RBBP8: variants seen among roughly 807,000 people sequenced by gnomAD.
The protein encoded by RBBP8 is RB binding protein 8, endonuclease.
RBBP8 carries 88 observed loss-of-function variants against 108.3 expected under a neutral mutation model. The ratio of observed to expected loss-of-function variants is 0.81; its 90% CI spans 0.68 to 0.97. The LOEUF is 0.97. Ranked by LOEUF, RBBP8 falls within the 50% of genes least tolerant of loss-of-function variation. The probability of loss-of-function intolerance (pLI) is 0.00; values close to 1 mark genes in which losing one functional copy is unlikely to be tolerated. For missense variants in RBBP8, 1,023 were observed against 1,049.0 expected, an observed-to-expected ratio of 0.98 and a Z score of 0.34; for synonymous variants, 332 against 348.2, an observed-to-expected ratio of 0.95 and a Z score of 0.52.
intron 6 of RBBP8, 76 bp from the exon 7 acceptor site, chr18:22,982,142 C>T: frequency 6.8e-7 from 1 of 1,477,858 alleles, no homozygotes; most frequent in South Asian, 1.2e-5. Context: ...TTGTGTTCTA[C>T]TGTAACTCCA....
intron 15 of RBBP8, among the ~76,000 whole-genome samples, chr18:23,002,016 T>C (rs2144746474): frequency 6.6e-6 from 1 of 152,350 alleles, no homozygotes; most frequent in South Asian, 2.1e-4. Flanking sequence ...TAGTTTGGTA[T>C]TACAAATTTC....
chr18:22,934,396 A>G (rs1241327665), intron 1 of RBBP8: 6 of 152,208 alleles, frequency 3.9e-5, no homozygotes, highest in African/African-American at 1.2e-4. Flanking sequence ...CACTCTTTAA[A>G]CGAATATGTT....
intron 7 of RBBP8, among the ~76,000 whole-genome samples, chr18:22,983,161 C>A (rs779848285): frequency 6.6e-6 from 1 of 152,114 alleles, no homozygotes; most frequent in African/African-American, 2.4e-5. Context: ...TTGTTATGTG[C>A]CATGATACAA....
At chr18:23,001,821 T>G (rs1180569962) in intron 15 of RBBP8, 92 bp downstream of exon 15, 1 of 1,462,614 alleles carries the variant, frequency 6.8e-7, no homozygotes, top group African/African-American at 1.4e-5. Flanking sequence ...TGATGACATA[T>G]CAACAATTGA....
chr18:22,979,211 G>A (rs549668909), intron 6 of RBBP8, among the ~76,000 whole-genome samples: 9 of 152,286 alleles, frequency 5.9e-5, no homozygotes, highest in South Asian at 2.1e-4. Context: ...GTTGCAGTGC[G>A]CTGAGATCGC....
chr18:22,999,312 C>T (rs908110348), intron 14 of RBBP8, among the ~76,000 whole-genome samples: 1 of 152,126 alleles, frequency 6.6e-6, no homozygotes, highest in Non-Finnish European at 1.5e-5. Flanking sequence ...GGGTCTCATG[C>T]AGTTGTAGGC....
upstream of RBBP8, chr18:22,929,523 G>GT (rs1909934821): frequency 4.2e-5 from 5 of 118,588 alleles, no homozygotes; most frequent in Non-Finnish European, 8.6e-5. Context: ...GAGACAGGCG[G>GT]GTGTGTGTGT....
chr18:22,946,971 T>C (rs1246556932), intron 3 of RBBP8, among the ~76,000 whole-genome samples: 1 of 152,120 alleles, frequency 6.6e-6, no homozygotes, highest in Non-Finnish European at 1.5e-5. Flanking sequence ...ATTCTCTGAA[T>C]TGTTTTGCTT....
intron 3 of RBBP8, among the ~76,000 whole-genome samples, chr18:22,924,127 GTTT>G (rs33978854): frequency 2.8e-5 from 3 of 108,238 alleles, no homozygotes; most frequent in Non-Finnish European, 3.5e-5. Context: ...TTTGTTTTTG[GTTT>G]TTTTTTTTTT....
intron 6 of RBBP8, among the ~76,000 whole-genome samples, chr18:22,980,965 C>CTTTT (rs1167377654): frequency 0.046 from 3,160 of 69,184 alleles, 817 homozygotes; most frequent in African/African-American, 0.11. Flanking sequence ...CCACTTATGT[C>CTTTT]TTTTTTTTTT....
chr18:22,925,691 CT>C (rs914969348), intron 3 of RBBP8, among the ~76,000 whole-genome samples: 22 of 152,136 alleles, frequency 1.4e-4, no homozygotes, highest in Non-Finnish European at 2.8e-4. Flanking sequence ...TTGTGTGAAC[CT>C]ATCAAAGAAT....
intron 17 of RBBP8, among the ~76,000 whole-genome samples, chr18:23,021,164 C>G (rs942568912): frequency 2.0e-5 from 3 of 152,176 alleles, no homozygotes; most frequent in Non-Finnish European, 4.4e-5. Context: ...AATCCCAGCA[C>G]TTTGGGAGTC....
At chr18:23,010,143 AC>A (rs576852215) in intron 16 of RBBP8, among the ~76,000 whole-genome samples, 92 of 152,300 alleles carry the variant, frequency 6.0e-4, no homozygotes, top group African/African-American at 2.2e-3. Flanking sequence ...GCTCCATAGT[AC>A]TTCATTATGT....
intron 4 of RBBP8, among the ~76,000 whole-genome samples, chr18:22,964,429 T>G (rs1044606128): frequency 6.6e-6 from 1 of 151,268 alleles, no homozygotes; most frequent in Non-Finnish European, 1.5e-5. Flanking sequence ...TTCTTGATTT[T>G]CTTCACTATT....
chr18:22,972,458 G>A (rs1914180160), intron 5 of RBBP8, among the ~76,000 whole-genome samples: 1 of 147,484 alleles, frequency 6.8e-6, no homozygotes, highest in African/African-American at 2.5e-5. Context: ...CTGTCTCCTA[G>A]GCTGGAGTGC....
chr18:22,921,509 C>T (rs1909593700), intron 3 of RBBP8, among the ~76,000 whole-genome samples: 1 of 152,228 alleles, frequency 6.6e-6, no homozygotes, highest in Non-Finnish European at 1.5e-5. Flanking sequence ...CTGGTTGCCA[C>T]TGAAATACCT....
intron 3 of RBBP8, among the ~76,000 whole-genome samples, chr18:22,919,167 A>G (rs1389023387): frequency 6.6e-6 from 1 of 152,206 alleles, no homozygotes; most frequent in Non-Finnish European, 1.5e-5. Context: ...AAAGATCACA[A>G]AGGAGGAGCT....
At position 22,949,673 on chromosome 18, in the gene RBBP8, C is replaced by T. The variant is rs1359541831; in HGVS notation, c.208C>T (p.Gln70Ter). Residue 70 changes from glutamine (Q) to a stop codon, truncating the protein, a stop_gained, in exon 4 of 19, where the codon CAG (glutamine) becomes TAG (stop). Coordinates refer to ENST00000327155, the MANE Select transcript of RBBP8 (RefSeq NM_002894.3). LOFTEE classifies it high-confidence loss of function. ...CAAAAATCAACAGCTGAGGGAACAGCAGAAAGTCCTTCATGAAACCATTAA... is the reference window on the plus strand; with the variant it reads ...CAAAAATCAACAGCTGAGGGAACAGTAGAAAGTCCTTCATGAAACCATTAA... Reference protein sequence around the residue: ...FTKNQQLREQQKVLHETIKVL... With the variant: ...FTKNQQLREQ The T allele has an allele frequency of 6.2e-7, 1 of 1,613,340 alleles. No individual in the cohort carries two copies. The highest frequency in any genetic ancestry group is 2.2e-5 in the East Asian group (1 of 44,814).
At chr18:22,991,217 T>G (rs774212797) in intron 10 of RBBP8, among the ~76,000 whole-genome samples, 168 bp downstream of exon 10, 9 of 152,220 alleles carry the variant, frequency 5.9e-5, no homozygotes, top group Non-Finnish European at 1.2e-4. Context: ...AATTGAGAGC[T>G]TTTTTGCATT....
Sources: gnomAD v4.1 joint callset for allele counts (sites outside exome capture counted in the v4.1 genomes callset) on GRCh38, gnomAD v4.1.1 for gene constraint, MANE v1.5 for transcripts, NCBI Gene and HGNC (gene_info 2026-07-23, HGNC 2026-07-21) for gene names.